Variants in PRDM2 observed in about 807,000 individuals in gnomAD.
PRDM2 encodes the protein PR/SET domain 2, also known as PR domain zinc finger protein 2.
In PRDM2, 30 loss-of-function variants were observed where a neutral mutation model predicts 130.0. The observed-to-expected ratio is 0.23, with a 90% CI of 0.17 to 0.31. The LOEUF is 0.31. PRDM2 is among the 10% of genes least tolerant of loss of function. PRDM2 has a pLI of 1.00. For synonymous variants in PRDM2, 871 were observed against 782.4 expected (o/e 1.11, Z -1.89); for missense variants, 2,011 against 2,108.4 (o/e 0.95, Z 0.90).
Position 13,824,604 on chromosome 1 carries a change from A to G in PRDM2, c.*1469A>G, listed in dbSNP as rs1319630107. 6.6e-6 allele frequency: 1 copy of G among 152,154 alleles called. No individual in the cohort carries two copies. The highest frequency in any genetic ancestry group is 1.5e-5 in the Non-Finnish European group (1 of 68,016). 9.4% of individuals were successfully genotyped at this position (152,154 alleles called of 1,614,324 possible). On this transcript the variant is annotated 3_prime_UTR_variant, in exon 10 of 10. Transcript: ENST00000311066. ...CAGTTTTCCTGTTTCCCACCCAGCT[A>G]AAAACCGTTGTTTGCTTTAAATTTT... is the stretch of plus-strand genomic sequence containing the variant.
At chr1:13,711,134 T>TAG (rs1352468262) in intron 1 of PRDM2, among the ~76,000 whole-genome samples, 2 of 151,712 alleles carry the variant, frequency 1.3e-5, no homozygotes, top group Non-Finnish European at 1.5e-5. Context: ...GTTTCAGTGA[T>TAG]ACGCTTGGAA....
chr1:13,730,111 C>T (rs113143745), intron 2 of PRDM2, among the ~76,000 whole-genome samples: 2,302 of 152,260 alleles, frequency 0.015, 33 homozygotes, highest in Admixed American at 0.034. Flanking sequence ...GAAACACACT[C>T]AGACTACAAA....
intron 1 of PRDM2, chr1:13,705,255 T>A (rs970363318): frequency 2.0e-5 from 3 of 152,166 alleles, no homozygotes; most frequent in Admixed American, 6.5e-5. Flanking sequence ...TGGTTTGAGA[T>A]GAATAAAGAA....
At chr1:13,747,495 A>G (rs2100526825) in intron 5 of PRDM2, among the ~76,000 whole-genome samples, 1 of 152,262 alleles carries the variant, frequency 6.6e-6, no homozygotes, top group Admixed American at 6.5e-5. Flanking sequence ...GTTAGATTTA[A>G]CTGGTTCAAG....
chr1:13,757,520 C>G (rs1016230366), intron 6 of PRDM2, among the ~76,000 whole-genome samples: 1 of 152,202 alleles, frequency 6.6e-6, no homozygotes, highest in Non-Finnish European at 1.5e-5. Context: ...TGTGTTGAGA[C>G]TGGGTTAACA....
intron 6 of PRDM2, among the ~76,000 whole-genome samples, chr1:13,759,179 T>A (rs995300557): frequency 1.4e-4 from 20 of 145,546 alleles, no homozygotes; most frequent in African/African-American, 2.3e-4. Flanking sequence ...TTTTTTTTTT[T>A]AAATGAAAAC....
At chr1:13,795,300 A>G (rs1405136583) in intron 8 of PRDM2, among the ~76,000 whole-genome samples, 3 of 152,198 alleles carry the variant, frequency 2.0e-5, no homozygotes, top group South Asian at 2.1e-4. Flanking sequence ...TTAATCTTCA[A>G]AAGAGCCCTA....
intron 8 of PRDM2, among the ~76,000 whole-genome samples, chr1:13,798,610 A>C (rs1368572911): frequency 6.6e-6 from 1 of 152,150 alleles, no homozygotes; most frequent in Non-Finnish European, 1.5e-5. Flanking sequence ...GCTGTCTTTG[A>C]CTATAACTGA....
intron 8 of PRDM2, chr1:13,786,887 G>A (rs1257981853): frequency 9.6e-7 from 1 of 1,036,786 alleles, no homozygotes; most frequent in East Asian, 8.0e-5. Context: ...ACCTTGCAAA[G>A]CAAGTTGCCT....
At chr1:13,706,662 C>T (rs1220926600) in intron 1 of PRDM2, among the ~76,000 whole-genome samples, 1 of 152,048 alleles carries the variant, frequency 6.6e-6, no homozygotes, top group Admixed American at 6.5e-5. Flanking sequence ...GTTTTGCAGA[C>T]TAAAGCAGAC....
intron 4 of PRDM2, among the ~76,000 whole-genome samples, chr1:13,739,690 G>T (rs1436930188): frequency 2.0e-5 from 3 of 152,066 alleles, no homozygotes; most frequent in South Asian, 4.1e-4. Flanking sequence ...ATACATCTGG[G>T]TACAATTGTC....
intron 6 of PRDM2, among the ~76,000 whole-genome samples, chr1:13,767,406 C>G (rs1644252507): frequency 1.3e-5 from 2 of 151,854 alleles, no homozygotes; most frequent in African/African-American, 4.8e-5. Flanking sequence ...ATCCTCCCAC[C>G]TCAGCCTCCC....
chr1:13,719,085 G>C (rs1236517899), intron 2 of PRDM2, among the ~76,000 whole-genome samples: 1 of 152,174 alleles, frequency 6.6e-6, no homozygotes, highest in Non-Finnish European at 1.5e-5. Context: ...GGTAATTTCA[G>C]ATAGTGAAAA....
At position 13,778,803 on chromosome 1, in the gene PRDM2, G is replaced by A. The variant is rs1203678; in HGVS notation, c.1008G>A (p.Glu336=). The part of the protein sequence containing the change: ...TSEETLEDCS[E]VTPAMQIPRT... ...AAGAAACTCTTGAAGACTGCTCAGA[G>A]GTAACACCTGCCATGCAAATCCCCA... Residue 336 remains glutamate (E), a synonymous_variant, in exon 8 of 10, where the codon GAG becomes GAA. Coordinates refer to ENST00000311066, the MANE Select transcript of PRDM2 (RefSeq NM_001393986.1). 0.35 allele frequency: 557,025 copies of A among 1,613,824 alleles called. 99,609 individuals carry two copies. The highest frequency in any genetic ancestry group is 0.57 in the Admixed American group (33,945 of 59,984).
intron 7 of PRDM2, among the ~76,000 whole-genome samples, chr1:13,775,532 A>G (rs1247333339): frequency 6.6e-6 from 1 of 152,134 alleles, no homozygotes; most frequent in East Asian, 1.9e-4. Flanking sequence ...CTAGGGGGAG[A>G]GAAGGCTGTT....
chr1:13,790,875 A>C (rs926309310), intron 8 of PRDM2, among the ~76,000 whole-genome samples: 1 of 151,982 alleles, frequency 6.6e-6, no homozygotes, highest in Non-Finnish European at 1.5e-5. Context: ...GTGGTGGTGG[A>C]AATGATCTGA....
In PRDM2 at chr1:13,741,391, A is replaced by G. The variant is rs533821948; in HGVS notation, c.232-614A>G. On this transcript the variant is annotated intron_variant, in intron 4 of 9. Transcript: ENST00000311066. ...CCCTTCATCCTTGCAGATGCTCTGG[A>G]TGGAGTATGTTTTAAGGGTCAGTTG... Among the ~76,000 whole-genome samples, 7 of 152,200 alleles carry G rather than the reference A, an allele frequency of 4.6e-5. No individual in the cohort carries two copies. The South Asian group carries it at 1.2e-3, about 27-fold the overall frequency.
intron 6 of PRDM2, among the ~76,000 whole-genome samples, chr1:13,767,904 A>T (rs910211531): frequency 2.0e-5 from 3 of 152,020 alleles, no homozygotes; most frequent in African/African-American, 7.2e-5. Flanking sequence ...TGAGCCCAGG[A>T]GGTCGAGGCT....
intron 1 of PRDM2, among the ~76,000 whole-genome samples, chr1:13,700,912 T>C (rs1642054673): frequency 6.6e-6 from 1 of 152,218 alleles, no homozygotes; most frequent in Admixed American, 6.5e-5. Context: ...GACGTGCAAC[T>C]CTGTTACTAA....
Sources: allele counts gnomAD v4.1 joint callset (sites outside exome capture counted in the v4.1 genomes callset), GRCh38; gene constraint gnomAD v4.1.1; transcripts MANE v1.5; gene names NCBI Gene and HGNC (gene_info 2026-07-23, HGNC 2026-07-21).